Variants in SLC30A7 observed in about 807,000 individuals in gnomAD.
SLC30A7 encodes the protein zinc transporter 7.
Under a neutral mutation model 46.0 loss-of-function variants are expected in SLC30A7, and 35 were observed. That is an observed-to-expected ratio of 0.76 (90% confidence interval 0.58 to 1.01). The LOEUF is 1.01. Ranked by LOEUF, SLC30A7 falls within the 50% of genes least tolerant of loss-of-function variation. The pLI is 0.00. For missense variants in SLC30A7, 464 were observed against 451.1 expected (o/e 1.03, Z -0.26); for synonymous variants, 147 against 157.8 (o/e 0.93, Z 0.51).
intron 2 of SLC30A7, among the ~76,000 whole-genome samples, chr1:100,906,600 C>T (rs1363695618): frequency 1.3e-5 from 2 of 152,148 alleles, no homozygotes; most frequent in African/African-American, 4.8e-5. Context: ...CATTCCTACC[C>T]CTCACCCAGC....
chr1:100,940,176 A>G (rs951696322), intron 8 of SLC30A7, among the ~76,000 whole-genome samples: 2 of 152,174 alleles, frequency 1.3e-5, no homozygotes, highest in African/African-American at 4.8e-5. Flanking sequence ...AATCAGTGGA[A>G]AAAAGATGGC....
intron 7 of SLC30A7, among the ~76,000 whole-genome samples, chr1:100,919,702 T>C (rs1652824077): frequency 6.6e-6 from 1 of 152,170 alleles, no homozygotes; most frequent in Non-Finnish European, 1.5e-5. Context: ...TTCTCTTTTA[T>C]ATAAGTTATT....
chr1:100,938,382 GT>G (rs930808110), intron 8 of SLC30A7, among the ~76,000 whole-genome samples: 2 of 152,062 alleles, frequency 1.3e-5, no homozygotes, highest in African/African-American at 2.4e-5. Context: ...AGAATTAACT[GT>G]TTTTTTATTT....
chr1:100,976,137 G>C lies in SLC30A7; in HGVS notation c.*1280G>C, dbSNP rs574891617. On this transcript the variant is annotated 3_prime_UTR_variant, in exon 11 of 11. Transcript: ENST00000357650. ...AACATCTGCTGAATTCCAAATTTCT[G>C]TAATAGCTACTGTATCTGTGATAAA... 105 of 152,294 alleles carry C rather than the reference G, an allele frequency of 6.9e-4. No homozygotes were observed. Among genetic ancestry groups the C allele is most frequent in the African/African-American group, 2.5e-3 (103 of 41,522 alleles). 9.4% of individuals were successfully genotyped at this position (152,294 alleles called of 1,614,324 possible).
At chr1:100,923,396 TAAAA>T (rs545395109) in intron 8 of SLC30A7, among the ~76,000 whole-genome samples, 4 of 152,136 alleles carry the variant, frequency 2.6e-5, no homozygotes, top group Non-Finnish European at 4.4e-5. Flanking sequence ...AGTTTCTGCC[TAAAA>T]AAATAGGATA....
At chr1:100,993,876 G>A in the SLC30A7 span, among the ~76,000 whole-genome samples, 1 of 151,572 alleles carries the variant, frequency 6.6e-6, no homozygotes, top group South Asian at 2.1e-4. Flanking sequence ...GAGTAGCTGG[G>A]ATTACAGGTG....
At chr1:100,989,715 G>T in the SLC30A7 span, 1 of 152,122 alleles carries the variant, frequency 6.6e-6, no homozygotes, top group African/African-American at 2.4e-5. Context: ...TCAAATTCCA[G>T]TTACCTCTAA....
chr1:100,917,886 T>C (rs539146804), intron 6 of SLC30A7, among the ~76,000 whole-genome samples, 191 bp from the exon 7 acceptor site: 6 of 152,328 alleles, frequency 3.9e-5, no homozygotes, highest in Admixed American at 6.5e-5. Context: ...TTTTGATGAA[T>C]TTTAAAACTA....
chr1:100,896,431 G>A, intron 1 of SLC30A7, 89 bp downstream of exon 1: 1 of 1,503,114 alleles, frequency 6.7e-7, no homozygotes, highest in Middle Eastern at 1.7e-4. Flanking sequence ...CAGTGAGGGA[G>A]AGTCAAAAAC....
At chr1:100,973,550 T>C (rs1310828178) in intron 10 of SLC30A7, among the ~76,000 whole-genome samples, 1 of 152,134 alleles carries the variant, frequency 6.6e-6, no homozygotes, top group African/African-American at 2.4e-5. Context: ...TCGGAGACAT[T>C]ATATTATAGT....
At chr1:100,948,147 T>C (rs1354381560) in intron 8 of SLC30A7, among the ~76,000 whole-genome samples, 3 of 152,230 alleles carry the variant, frequency 2.0e-5, no homozygotes, top group Non-Finnish European at 4.4e-5. Context: ...ATAGCATCGA[T>C]GGTCTTTACA....
intron 9 of SLC30A7, among the ~76,000 whole-genome samples, chr1:100,964,995 A>T (rs548744428): frequency 5.3e-5 from 8 of 152,250 alleles, no homozygotes; most frequent in African/African-American, 4.8e-5. Flanking sequence ...CTGACAAAAC[A>T]TAAATATTTT....
Position 100,896,296 on chromosome 1 carries a change from A to G in SLC30A7, c.34A>G (p.Lys12Glu). The G allele has an allele frequency of 6.2e-7, 1 of 1,614,178 alleles. No homozygotes were observed. Among genetic ancestry groups the G allele is most frequent in the Non-Finnish European group, 8.5e-7 (1 of 1,180,022 alleles). The change falls in exon 1 of 11, where the codon AAA (lysine) becomes GAA (glutamate). Residue 12 changes from lysine to glutamate, a missense_variant. Coordinates refer to ENST00000357650, the MANE Select transcript of SLC30A7 (RefSeq NM_133496.5). Reference protein sequence around the residue: ...LPLSIKDDEYKPPKFNLFGKI... With the variant: ...LPLSIKDDEYEPPKFNLFGKI... ...CCTGTCCATCAAAGACGATGAATAC[A>G]AACCACCCAAGTTCAATTTGTTCGG...
chr1:100,988,944 G>C, the SLC30A7 span, among the ~76,000 whole-genome samples: 1 of 152,104 alleles, frequency 6.6e-6, no homozygotes, highest in African/African-American at 2.4e-5. Flanking sequence ...AGTAAAATAA[G>C]TCAAATAATC....
intron 5 of SLC30A7, among the ~76,000 whole-genome samples, chr1:100,912,832 CA>C (rs1386280488): frequency 4.6e-5 from 7 of 150,806 alleles, no homozygotes; most frequent in African/African-American, 9.8e-5. Flanking sequence ...GAGCCGAGAT[CA>C]TGCCACTGCA....
At chr1:100,928,198 A>T (rs1653432139) in intron 8 of SLC30A7, among the ~76,000 whole-genome samples, 6 of 152,182 alleles carry the variant, frequency 3.9e-5, no homozygotes, top group Admixed American at 3.9e-4. Flanking sequence ...ATCTAATGGC[A>T]CGGGCCTTAA....
the SLC30A7 span, chr1:100,995,406 G>T: frequency 1.1e-5 from 4 of 367,312 alleles, no homozygotes; most frequent in Admixed American, 1.2e-4. Context: ...ACAAGGGAAA[G>T]AATTAGATAA....
chr1:100,986,923 T>G, the SLC30A7 span, among the ~76,000 whole-genome samples: 1 of 152,246 alleles, frequency 6.6e-6, no homozygotes, highest in Non-Finnish European at 1.5e-5. Context: ...ATCAAATGTA[T>G]GCAGCCTTCA....
chr1:100,928,010 A>G (rs1253604085), intron 8 of SLC30A7, among the ~76,000 whole-genome samples: 2 of 152,198 alleles, frequency 1.3e-5, no homozygotes, highest in African/African-American at 4.8e-5. Context: ...GCAGAAGATA[A>G]GCTTAGCATA....
Sources: allele counts gnomAD v4.1 joint callset (sites outside exome capture counted in the v4.1 genomes callset), GRCh38; gene constraint gnomAD v4.1.1; transcripts MANE v1.5; gene names NCBI Gene and HGNC (gene_info 2026-07-23, HGNC 2026-07-21).